GRIK2: variants seen among roughly 807,000 people sequenced by gnomAD.
GRIK2 encodes glutamate receptor ionotropic, kainate 2.
In GRIK2, 32 loss-of-function variants were observed where a neutral mutation model predicts 100.3. The ratio of observed to expected loss-of-function variants is 0.32; its 90% CI spans 0.24 to 0.43. The LOEUF (loss-of-function observed/expected upper bound fraction) is 0.43. Among genes scored for constraint, GRIK2 ranks in the 20% least tolerant of loss-of-function variants. GRIK2 has a pLI of 1.00. For synonymous variants in GRIK2, 417 were observed against 389.4 expected (o/e 1.07, Z -0.83); for missense variants, 843 against 1,114.9 (o/e 0.76, Z 3.47).
At chr6:101,491,722 A>G (rs1457913097) in intron 2 of GRIK2, among the ~76,000 whole-genome samples, 1 of 151,940 alleles carries the variant, frequency 6.6e-6, no homozygotes, top group Non-Finnish European at 1.5e-5. Flanking sequence ...ACTTTCTTAC[A>G]TACTATACTA....
chr6:101,802,445 C>T lies in GRIK2; in HGVS notation c.1203+7C>T, dbSNP rs930352432. ...GGAAGAAGGTCTAGAAAAGGTATTT[C>T]AGTGAGCTTATTTGCTTTAATTACT... On this transcript the variant is annotated splice_region_variant and intron_variant, in intron 9 of 16. Transcript: ENST00000369134. 1.6e-6 allele frequency: 2 copies of T among 1,282,980 alleles called. No homozygotes were observed. Among genetic ancestry groups the T allele is most frequent in the East Asian group, 2.4e-5 (1 of 41,440 alleles). The allele number at this position is 1,282,980 out of a possible 1,614,324, so 79.5% of individuals were successfully genotyped here. A position where few individuals can be genotyped will look rare whatever the true frequency, so the allele number is the denominator to read the frequency against.
rs114322821 is a variant in GRIK2 at position 101,583,289 on chromosome 6, C to T, written c.116-38660C>T. ...GCTGACACTTAATGGATACCTAAGC[C>T]ACGTTAATGAAGGTGTCATAAAGTC... On this transcript the variant is annotated intron_variant, in intron 2 of 16. Transcript: ENST00000369134. Among the ~76,000 whole-genome samples the T allele has an allele frequency of 7.5e-3, 1,134 of 152,160 alleles. 18 individuals are homozygous for T. The highest frequency in any genetic ancestry group is 0.026 in the African/African-American group (1,082 of 41,536).
At chr6:101,493,949 A>T (rs1474826106) in intron 2 of GRIK2, among the ~76,000 whole-genome samples, 1 of 139,500 alleles carries the variant, frequency 7.2e-6, no homozygotes, top group Non-Finnish European at 1.6e-5. Flanking sequence ...GTATTTATAT[A>T]TAATATATAT....
intron 14 of GRIK2, among the ~76,000 whole-genome samples, chr6:101,967,588 T>A (rs1792769565): frequency 6.6e-6 from 1 of 152,048 alleles, no homozygotes; most frequent in Non-Finnish European, 1.5e-5. Context: ...ACCTGCAGTC[T>A]CATCACTTCA....
At chr6:101,737,232 A>C (rs1775701617) in intron 7 of GRIK2, among the ~76,000 whole-genome samples, 1 of 152,064 alleles carries the variant, frequency 6.6e-6, no homozygotes, top group African/African-American at 2.4e-5. Flanking sequence ...GTCTGTTACC[A>C]AGTTCCAAAG....
At chr6:102,025,478 A>G (rs1001924780) in intron 14 of GRIK2, among the ~76,000 whole-genome samples, 1 of 151,240 alleles carries the variant, frequency 6.6e-6, no homozygotes, top group African/African-American at 2.4e-5. Context: ...GGTAAATATT[A>G]GAAATTCTCT....
chr6:102,042,843 C>T (rs768740470), intron 15 of GRIK2, among the ~76,000 whole-genome samples: 33 of 151,592 alleles, frequency 2.2e-4, no homozygotes, highest in Admixed American at 3.3e-4. Context: ...TGGTTTAATA[C>T]TCAAGAAATA....
chr6:101,757,931 T>C (rs1777237695), intron 7 of GRIK2, among the ~76,000 whole-genome samples: 1 of 152,228 alleles, frequency 6.6e-6, no homozygotes, highest in African/African-American at 2.4e-5. Flanking sequence ...ATTTTTGGCA[T>C]TAAGAAATAA....
chr6:101,718,982 A>G (rs1774259376), intron 7 of GRIK2, among the ~76,000 whole-genome samples: 1 of 151,974 alleles, frequency 6.6e-6, no homozygotes, highest in African/African-American at 2.4e-5. Flanking sequence ...CTAAGGATAT[A>G]TAAAGCATAT....
In GRIK2 at chr6:101,928,426, A is replaced by C; in HGVS notation, c.1879A>C (p.Met627Leu). Residue 627 changes from methionine (M) to leucine (L), a missense_variant, in exon 14 of 17, where the codon ATG becomes CTG. Coordinates refer to ENST00000369134, the MANE Select transcript of GRIK2 (RefSeq NM_021956.5). ...CCACTCTCTGTTAGGTTCTGAGCTC[A>C]TGCCCAAAGCACTGTCCACCAGGAT... ...GALMQQGSEL[M>L]PKALSTRIVG... 6.3e-7 allele frequency: 1 copy of C among 1,578,748 alleles called. No individual in the cohort carries two copies. The highest frequency in any genetic ancestry group is 8.7e-7 in the Non-Finnish European group (1 of 1,147,848).
intron 2 of GRIK2, among the ~76,000 whole-genome samples, chr6:101,451,027 TC>T: frequency 6.6e-6 from 1 of 151,818 alleles, no homozygotes; most frequent in Admixed American, 6.6e-5. Flanking sequence ...GAATCTCCTT[TC>T]CCGCTCTATT....
intron 4 of GRIK2, among the ~76,000 whole-genome samples, chr6:101,650,789 G>GA (rs1431217387): frequency 2.0e-5 from 3 of 151,914 alleles, no homozygotes; most frequent in Admixed American, 6.6e-5. Context: ...TAACTGACTT[G>GA]AAAAATATCT....
intron 2 of GRIK2, among the ~76,000 whole-genome samples, chr6:101,470,305 G>A (rs1771877719): frequency 6.6e-6 from 1 of 152,126 alleles, no homozygotes; most frequent in Admixed American, 6.6e-5. Context: ...ACTTGAGTTG[G>A]CTTTCTTTCA....
intron 2 of GRIK2, among the ~76,000 whole-genome samples, chr6:101,576,725 A>G (rs1490848794): frequency 1.3e-5 from 2 of 152,096 alleles, no homozygotes; most frequent in Non-Finnish European, 2.9e-5. Flanking sequence ...AATGGCATAT[A>G]TGTATTACTT....
At chr6:101,743,399 T>A (rs1776171591) in intron 7 of GRIK2, among the ~76,000 whole-genome samples, 1 of 152,212 alleles carries the variant, frequency 6.6e-6, no homozygotes, top group Non-Finnish European at 1.5e-5. Flanking sequence ...CCTAATCAGG[T>A]CAGCCCTTGT....
intron 12 of GRIK2, among the ~76,000 whole-genome samples, chr6:101,901,461 A>G (rs1480651742): frequency 6.6e-6 from 1 of 151,232 alleles, no homozygotes; most frequent in Non-Finnish European, 1.5e-5. Flanking sequence ...CAGAAATCTT[A>G]TTATAAAATG....
intron 14 of GRIK2, among the ~76,000 whole-genome samples, chr6:102,003,572 T>C (rs1332385626): frequency 6.6e-6 from 1 of 151,882 alleles, no homozygotes; most frequent in East Asian, 1.9e-4. Flanking sequence ...ATATATGACA[T>C]ATTGAAATTA....
chr6:101,586,094 AAGCTGGGCGCCTACACCT>A lies in GRIK2; in HGVS notation c.116-35851_116-35834del, dbSNP rs1428192143. 1.3e-4 allele frequency among the ~76,000 whole-genome samples: 20 copies of A among 152,092 alleles called. 1 individual carries two copies. In the East Asian group the frequency reaches 3.5e-3, roughly 27 times the overall value. On this transcript the variant is annotated intron_variant, in intron 2 of 16. Coordinates refer to ENST00000369134, the MANE Select transcript of GRIK2 (RefSeq NM_021956.5). ...GTTGAGGTTTGGGAGTTTAGTCCTGAAGCTGGGCGCCTACACCTAGCCATGTGTGCTTCTATTCTCACC... is the reference window on the plus strand; with the variant it reads ...GTTGAGGTTTGGGAGTTTAGTCCTGAAGCCATGTGTGCTTCTATTCTCACC...
Position 101,621,904 on chromosome 6 carries a change from GTTTA to G in GRIK2, c.116-42_116-39del, listed in dbSNP as rs781742860. 4.3e-5 allele frequency: 57 copies of G among 1,325,954 alleles called. 1 individual carries two copies. Among genetic ancestry groups the G allele is most frequent in the African/African-American group, 3.5e-4 (24 of 68,558 alleles). The allele number at this position is 1,325,954 out of a possible 1,614,324, so 82.1% of individuals were successfully genotyped here. On this transcript the variant is annotated intron_variant, in intron 2 of 16. Transcript: ENST00000369134. ...ATTTTCTTTATCTTGTGAAAATTAT[GTTTA>G]TTCTTGTAAAATTTATGATTTTTCT...
Sources: gnomAD v4.1 joint callset for allele counts (sites outside exome capture counted in the v4.1 genomes callset) on GRCh38, gnomAD v4.1.1 for gene constraint, MANE v1.5 for transcripts, NCBI Gene and HGNC (gene_info 2026-07-23, HGNC 2026-07-21) for gene names.